The following NTRK3 variants were observed in gnomAD, a reference collection of about 807,000 sequenced individuals.
NTRK3 encodes NT-3 growth factor receptor.
NTRK3 carries 24 observed loss-of-function variants against 91.7 expected under a neutral mutation model. That is an observed-to-expected ratio of 0.26 (90% CI 0.19 to 0.37). The LOEUF (loss-of-function observed/expected upper bound fraction) is 0.37, where lower values mean the gene tolerates loss of function less well. Among genes scored for constraint, NTRK3 ranks in the 10% least tolerant of loss-of-function variants. The pLI, the probability that NTRK3 is intolerant of heterozygous loss-of-function variation, is 1.00. For synonymous variants in NTRK3, 483 were observed against 404.0 expected, an observed-to-expected ratio of 1.20 and a Z score of -2.34; for missense variants, 880 against 1,068.9, an observed-to-expected ratio of 0.82 and a Z score of 2.46.
In NTRK3 at chr15:88,255,218, G is replaced by A. The variant is rs571022369; in HGVS notation, c.248+688C>T. Among the ~76,000 whole-genome samples the A allele has an allele frequency of 1.2e-4, 18 of 152,202 alleles. No homozygotes were observed. In the East Asian group the frequency reaches 3.5e-3, roughly 30 times the overall value. ...CCAAACTGGGAAGGGATCTGTAGGC[G>A]CCCAGATGCAGATGAGGGTGGCAAA... On this transcript the variant is annotated intron_variant, in intron 3 of 18. Coordinates refer to ENST00000394480, the Ensembl canonical transcript of NTRK3. This position sits in a 1 kb window ranked among gnomAD's most constrained non-coding sequence, Gnocchi z 4.3.
Position 88,157,685 on chromosome 15 carries a change from A to G in NTRK3, c.396-10282T>C, listed in dbSNP as rs558240501. ...GCCCTCAGCCCACCTCCCTTGGCCT[A>G]CACGAGGGACGCCGAGACTGTGAGA... On this transcript the variant is annotated intron_variant, in intron 5 of 18. Coordinates refer to ENST00000394480, the Ensembl canonical transcript of NTRK3. 4.6e-5 allele frequency among the ~76,000 whole-genome samples: 7 copies of G among 152,126 alleles called. No individual in the cohort carries two copies. In the South Asian group the frequency reaches 1.5e-3, roughly 32 times the overall value.
chr15:88,086,059 C>G lies in NTRK3; in HGVS notation c.1396+40212G>C, dbSNP rs2048468484. ...AGCAGAGTGCAGGAGCAGGACAAAG[C>G]TGATGAAGACTTCATAGGTAGGAGA... is the stretch of plus-strand genomic sequence containing the variant. On this transcript the variant is annotated intron_variant, in intron 13 of 18. Transcript: ENST00000394480. Among the ~76,000 whole-genome samples, 3 of 152,308 alleles carry G rather than the reference C, an allele frequency of 2.0e-5. No individual in the cohort carries two copies. In the South Asian group the frequency reaches 6.2e-4, roughly 32 times the overall value.
chr15:88,107,638 G>A (rs1252924600), intron 13 of NTRK3, among the ~76,000 whole-genome samples: 2 of 151,944 alleles, frequency 1.3e-5, no homozygotes, highest in African/African-American at 4.8e-5. Context: ...GCCCATTCCT[G>A]GTCTCTCAAG....
At chr15:88,028,185 A>C (rs1354042436) in intron 14 of NTRK3, among the ~76,000 whole-genome samples, 1 of 151,948 alleles carries the variant, frequency 6.6e-6, no homozygotes, top group Non-Finnish European at 1.5e-5. Flanking sequence ...GGGAGGGCAC[A>C]AGGTGCTCTC....
intron 13 of NTRK3, among the ~76,000 whole-genome samples, chr15:88,054,427 C>T (rs1178111152): frequency 2.0e-5 from 3 of 152,182 alleles, no homozygotes; most frequent in Non-Finnish European, 4.4e-5. Context: ...TCCACATTGA[C>T]CTGCAGCTGG....
chr15:87,929,503 G>A, intron 16 of NTRK3, 69 bp from the exon 17 acceptor site: 3 of 1,584,508 alleles, frequency 1.9e-6, no homozygotes, highest in Admixed American at 1.7e-5. Flanking sequence ...GGCCTTCCTG[G>A]GTCCCTGCCC....
chr15:88,236,402 G>A (rs2051741046), intron 3 of NTRK3, among the ~76,000 whole-genome samples: 1 of 151,550 alleles, frequency 6.6e-6, no homozygotes, highest in Admixed American at 6.6e-5. Context: ...GCTGGGCACT[G>A]TGGCTCATGC....
At chr15:88,075,827 C>G (rs1336847353) in intron 13 of NTRK3, among the ~76,000 whole-genome samples, 1 of 152,224 alleles carries the variant, frequency 6.6e-6, no homozygotes, top group Non-Finnish European at 1.5e-5. Context: ...AATTCTACTA[C>G]TTGCTGACCA....
At chr15:88,163,686 C>A (rs543839103) in intron 5 of NTRK3, among the ~76,000 whole-genome samples, 1 of 152,290 alleles carries the variant, frequency 6.6e-6, no homozygotes, top group South Asian at 2.1e-4. Flanking sequence ...CAGAAGGAGG[C>A]AGGACCTTCA....
chr15:88,064,415 A>G (rs2046471961), intron 13 of NTRK3, among the ~76,000 whole-genome samples: 1 of 152,044 alleles, frequency 6.6e-6, no homozygotes, highest in Admixed American at 6.5e-5. Flanking sequence ...CCAGCTGCAA[A>G]CTTCACATCG....
rs1011621655 is a variant in NTRK3 at position 88,120,934 on chromosome 15, C to G, written c.1396+5337G>C. On this transcript the variant is annotated intron_variant, in intron 13 of 18. Transcript: ENST00000394480. ...CAATGGGCACATTAGCCTAATAAGC[C>G]TAAGGTCTGTTTCAGCTCTGATAAA... is the stretch of plus-strand genomic sequence containing the variant. 2.6e-5 allele frequency among the ~76,000 whole-genome samples: 4 copies of G among 152,318 alleles called. No homozygotes were observed. In the East Asian group the frequency reaches 7.7e-4, roughly 29 times the overall value.
rs531999660 is a variant in NTRK3 at position 87,910,956 on chromosome 15, A to G, written c.2133+18235T>C. ...GATTCAATTCAGTGGTAAGATCAGA[A>G]GCCCAAAAAATTAAGACAGAAGATG... On this transcript the variant is annotated intron_variant, in intron 17 of 18. Coordinates refer to ENST00000394480, the Ensembl canonical transcript of NTRK3. Among the ~76,000 whole-genome samples the G allele has an allele frequency of 6.6e-5, 10 of 152,358 alleles. No individual in the cohort carries two copies. The East Asian group carries it at 1.9e-3, about 29-fold the overall frequency.
At chr15:88,176,855 T>C (rs1324584221) in intron 5 of NTRK3, among the ~76,000 whole-genome samples, 2 of 152,198 alleles carry the variant, frequency 1.3e-5, no homozygotes, top group Non-Finnish European at 2.9e-5. Flanking sequence ...TGATCAATAG[T>C]AATAAAGGCG....
intron 13 of NTRK3, among the ~76,000 whole-genome samples, chr15:88,040,614 T>C (rs1474364888): frequency 6.6e-6 from 1 of 152,220 alleles, no homozygotes; most frequent in African/African-American, 2.4e-5. Context: ...AGCAACTCTA[T>C]GACTTACAGA....
chr15:87,915,383 G>C (rs897886743), intron 17 of NTRK3, among the ~76,000 whole-genome samples: 2 of 152,216 alleles, frequency 1.3e-5, no homozygotes, highest in Non-Finnish European at 2.9e-5. Context: ...ATCTGGAGAA[G>C]GAGGTTTTAA....
chr15:88,180,635 T>G (rs1256928268), intron 5 of NTRK3, among the ~76,000 whole-genome samples: 2 of 151,128 alleles, frequency 1.3e-5, no homozygotes, highest in African/African-American at 4.9e-5. Context: ...TTCCTACTTC[T>G]TATTTTATAC....
At chr15:87,873,078 A>T in exon 19 of NTRK3, 1 of 232,896 alleles carries the variant, frequency 4.3e-6, no homozygotes, top group Non-Finnish European at 8.5e-6. Context: ...CAGCCCCAGA[A>T]GCTGGCTGAC....
chr15:87,967,376 C>T (rs572849731), intron 14 of NTRK3, among the ~76,000 whole-genome samples: 1 of 152,138 alleles, frequency 6.6e-6, no homozygotes, highest in African/African-American at 2.4e-5. Context: ...GACATTAAAG[C>T]ATTTCATAGT....
At chr15:87,932,550 G>C (rs1040384568) in intron 16 of NTRK3, among the ~76,000 whole-genome samples, 2 of 152,100 alleles carry the variant, frequency 1.3e-5, no homozygotes, top group South Asian at 2.1e-4. Context: ...TTGTAACCTT[G>C]GACCTTCTTA....
Sources: allele counts gnomAD v4.1 joint callset (sites outside exome capture counted in the v4.1 genomes callset), GRCh38; gene constraint gnomAD v4.1.1; non-coding constraint Gnocchi (gnomAD v3.1); transcripts MANE v1.5; gene names NCBI Gene and HGNC (gene_info 2026-07-23, HGNC 2026-07-21).